The following TXNRD1 variants were observed in gnomAD, a reference collection of about 807,000 sequenced individuals.
The protein encoded by TXNRD1 is thioredoxin reductase 1, cytoplasmic.
In TXNRD1, 57 loss-of-function variants were observed where a neutral mutation model predicts 80.3. That is an observed-to-expected ratio of 0.71 (90% CI 0.57 to 0.89). The LOEUF is 0.89. Among genes scored for constraint, TXNRD1 ranks in the 40% least tolerant of loss-of-function variants. TXNRD1 has a pLI of 0.00. For synonymous variants in TXNRD1, 291 were observed against 285.2 expected, an observed-to-expected ratio of 1.02 and a Z score of -0.20; for missense variants, 730 against 803.0, an observed-to-expected ratio of 0.91 and a Z score of 1.10.
intron 1 of TXNRD1, among the ~76,000 whole-genome samples, chr12:104,226,055 G>T (rs139083010): frequency 1.2e-4 from 18 of 152,106 alleles, no homozygotes; most frequent in Middle Eastern, 3.4e-3. Context: ...CAAAAAATTA[G>T]CTGGGCGTGT....
intron 3 of TXNRD1, among the ~76,000 whole-genome samples, chr12:104,278,549 T>C (rs1179701338): frequency 2.2e-5 from 3 of 137,108 alleles, no homozygotes; most frequent in Non-Finnish European, 4.6e-5. Flanking sequence ...TCACCCAGGC[T>C]GGAGTGCAGT....
intron 1 of TXNRD1, among the ~76,000 whole-genome samples, chr12:104,217,199 A>G (rs1379952668): frequency 6.6e-6 from 1 of 151,754 alleles, no homozygotes; most frequent in Non-Finnish European, 1.5e-5. Flanking sequence ...TTGACGTTTC[A>G]TGTGCCATCC....
intron 4 of TXNRD1, among the ~76,000 whole-genome samples, chr12:104,298,831 C>G (rs1361931014): frequency 6.6e-6 from 1 of 150,646 alleles, no homozygotes; most frequent in Non-Finnish European, 1.5e-5. Flanking sequence ...CATTTGCTAT[C>G]TTTGGGATTG....
chr12:104,318,080 C>T (rs1272228283), intron 7 of TXNRD1, among the ~76,000 whole-genome samples: 1 of 152,146 alleles, frequency 6.6e-6, no homozygotes, highest in Non-Finnish European at 1.5e-5. Flanking sequence ...TTGAGGGGTA[C>T]GGAGGTTGCA....
intron 3 of TXNRD1, among the ~76,000 whole-genome samples, chr12:104,273,978 G>A (rs529206138): frequency 2.0e-5 from 3 of 152,060 alleles, no homozygotes; most frequent in African/African-American, 4.8e-5. Context: ...TGAGTTCTCC[G>A]GGAGGTGGAG....
intron 5 of TXNRD1, among the ~76,000 whole-genome samples, chr12:104,312,913 G>A (rs1029373893): frequency 2.6e-5 from 4 of 151,728 alleles, no homozygotes; most frequent in Non-Finnish European, 5.9e-5. Flanking sequence ...CAACTTGCTT[G>A]GAAATGGCCA....
intron 1 of TXNRD1, chr12:104,224,930 A>G: frequency 2.2e-6 from 1 of 456,636 alleles, no homozygotes; most frequent in Non-Finnish European, 4.4e-6. Context: ...TGAGGGTGAG[A>G]GAATGCAGAT....
chr12:104,331,617 G>A lies in TXNRD1; in HGVS notation c.1626G>A (p.Glu542=). The change falls in exon 14 of 17, where the codon GAG becomes GAA. Residue 542 remains glutamate (E), a synonymous_variant. Coordinates refer to ENST00000525566, the MANE Select transcript of TXNRD1 (RefSeq NM_001093771.3). The part of the protein sequence containing the change: ...ACGLSEEKAV[E]KFGEENIEVY... The stretch of plus-strand genomic sequence containing the variant: ...GCCTTTCTGAGGAGAAAGCTGTGGA[G>A]AAGTTTGGGGAAGAAAATATTGAGG... The A allele has an allele frequency of 6.2e-7, 1 of 1,611,764 alleles. No individual in the cohort carries two copies. Among genetic ancestry groups the A allele is most frequent in the African/African-American group, 1.3e-5 (1 of 75,002 alleles).
intron 16 of TXNRD1, among the ~76,000 whole-genome samples, chr12:104,339,959 CAT>C (rs1466945220): frequency 1.3e-5 from 2 of 152,248 alleles, no homozygotes; most frequent in East Asian, 1.9e-4. Flanking sequence ...CACACACACA[CAT>C]ATGCACATTG....
intron 7 of TXNRD1, among the ~76,000 whole-genome samples, chr12:104,317,692 C>T (rs114866409): frequency 2.1e-3 from 314 of 152,248 alleles, no homozygotes; most frequent in African/African-American, 7.2e-3. Flanking sequence ...AATAATTAGT[C>T]GGGCCTGGAA....
At position 104,240,793 on chromosome 12, in the gene TXNRD1, A is replaced by T. The variant is rs1284349538; in HGVS notation, c.92-10734A>T. Among the ~76,000 whole-genome samples the T allele has an allele frequency of 2.2e-4, 32 of 144,278 alleles. No homozygotes were observed. In the Admixed American group the frequency reaches 2.3e-3, roughly 10 times the overall value. 94.7% of individuals were successfully genotyped at this position (144,278 alleles called of 152,430 possible). On this transcript the variant is annotated intron_variant, in intron 1 of 16. Coordinates refer to ENST00000525566, the MANE Select transcript of TXNRD1 (RefSeq NM_001093771.3). ...AGTGTTGCTCTGTCACCCAGGCTGG[A>T]GTGCAATGGCACTATCTCGACTCAC...
At chr12:104,267,665 C>CTTTCTTTCTTTCTTTCTTTG (rs1565870096) in intron 3 of TXNRD1, among the ~76,000 whole-genome samples, 15 of 32,822 alleles carry the variant, frequency 4.6e-4, no homozygotes, top group African/African-American at 1.4e-3. Context: ...TTCTTTCTTT[C>CTTTCTTTCTTTCTTTCTTTG]TTTCTTTCTT....
intron 15 of TXNRD1, among the ~76,000 whole-genome samples, chr12:104,334,929 A>G (rs990112766): frequency 3.9e-5 from 6 of 152,202 alleles, no homozygotes; most frequent in Admixed American, 3.9e-4. Flanking sequence ...CAATAAAGTC[A>G]TCGACTATCT....
chr12:104,339,028 T>G, intron 15 of TXNRD1, 111 bp from the exon 16 acceptor site: 19 of 1,415,290 alleles, frequency 1.3e-5, no homozygotes, highest in East Asian at 4.9e-5. Flanking sequence ...TCTCTGGTCA[T>G]TTTTGAGTTG....
intron 1 of TXNRD1, among the ~76,000 whole-genome samples, chr12:104,241,936 G>GTTT (rs1406884883): frequency 7.1e-5 from 4 of 56,274 alleles, no homozygotes; most frequent in African/African-American, 2.0e-4. Context: ...TTATACTAAT[G>GTTT]ATTTTTTTTT....
intron 3 of TXNRD1, chr12:104,287,324 A>G: frequency 6.2e-7 from 1 of 1,614,014 alleles, no homozygotes; most frequent in Non-Finnish European, 8.5e-7. Context: ...ACCCGGTCAC[A>G]CAAAGCTTCA....
intron 1 of TXNRD1, among the ~76,000 whole-genome samples, chr12:104,217,136 G>A (rs1313401721): frequency 6.6e-6 from 1 of 152,152 alleles, no homozygotes; most frequent in Admixed American, 6.5e-5. Context: ...AGGTCAGGCA[G>A]CTAATTTGTG....
At chr12:104,256,795 A>AC (rs2033261126) in intron 2 of TXNRD1, among the ~76,000 whole-genome samples, 1 of 149,348 alleles carries the variant, frequency 6.7e-6, no homozygotes, top group South Asian at 2.1e-4. Context: ...AAAAAAAGAA[A>AC]AAGAAAAAGA....
intron 1 of TXNRD1, among the ~76,000 whole-genome samples, chr12:104,218,249 C>T (rs2032266316): frequency 6.6e-6 from 1 of 152,098 alleles, no homozygotes; most frequent in Non-Finnish European, 1.5e-5. Flanking sequence ...TGGTCTTGAA[C>T]TCTTGACCTC....
Sources: gnomAD v4.1 joint callset for allele counts (sites outside exome capture counted in the v4.1 genomes callset) on GRCh38, gnomAD v4.1.1 for gene constraint, MANE v1.5 for transcripts, NCBI Gene and HGNC (gene_info 2026-07-23, HGNC 2026-07-21) for gene names.